Variants in PIWIL1 observed in about 807,000 individuals in gnomAD.
PIWIL1 encodes piwi like RNA-mediated gene silencing 1.
A neutral mutation model predicts 114.4 loss-of-function variants in PIWIL1; 73 were observed. The ratio of observed to expected loss-of-function variants is 0.64; its 90% CI spans 0.53 to 0.78. The LOEUF is 0.78. Ranked by LOEUF, PIWIL1 falls within the 30% of genes least tolerant of loss-of-function variation. PIWIL1 has a pLI of 0.00. For synonymous variants in PIWIL1, 375 were observed against 369.0 expected, an observed-to-expected ratio of 1.02 and a Z score of -0.19; for missense variants, 723 against 1,063.1, an observed-to-expected ratio of 0.68 and a Z score of 4.45.
chr12:130,374,817 C>T (rs1433246499), downstream of PIWIL1, among the ~76,000 whole-genome samples: 10 of 152,132 alleles, frequency 6.6e-5, no homozygotes, highest in Admixed American at 6.5e-4. Context: ...TTTTTGACAC[C>T]ATCCCCTGCT....
chr12:130,399,835 A>G, the PIWIL1 span: 1 of 1,613,226 alleles, frequency 6.2e-7, no homozygotes, highest in South Asian at 1.1e-5. Context: ...GGGGTGAGGC[A>G]GAAGAACTAT....
the PIWIL1 span, chr12:130,414,346 C>T: frequency 6.5e-7 from 1 of 1,530,840 alleles, no homozygotes; most frequent in Non-Finnish European, 8.8e-7. Flanking sequence ...CGGCAGTGAG[C>T]CTAACTGAGG....
chr12:130,416,660 C>A, the PIWIL1 span, among the ~76,000 whole-genome samples: 1 of 152,188 alleles, frequency 6.6e-6, no homozygotes, highest in African/African-American at 2.4e-5. Context: ...GGACATCAGC[C>A]TTGGCAAAGA....
Position 130,367,145 on chromosome 12 carries a change from G to A in PIWIL1, c.2208G>A (p.Thr736=), listed in dbSNP as rs780460114. 2.6e-5 allele frequency: 42 copies of A among 1,613,932 alleles called. No homozygotes were observed. The highest frequency in any genetic ancestry group is 5.3e-5 in the African/African-American group (4 of 74,892). Residue 736 remains threonine, a synonymous_variant, in exon 19 of 21, where the codon ACG becomes ACA. Coordinates refer to ENST00000245255, the MANE Select transcript of PIWIL1 (RefSeq NM_004764.5). ...CATCATTTTTAAGCCCTAGACTAAC[G>A]GTAATTGTGGTGAAGAAAAGAGTGA... The part of the protein sequence containing the change: ...SIGRGYNPRL[T]VIVVKKRVNT...
intron 18 of PIWIL1, among the ~76,000 whole-genome samples, chr12:130,364,565 C>T (rs997062297): frequency 1.2e-4 from 18 of 152,302 alleles, no homozygotes; most frequent in Admixed American, 3.9e-4. Flanking sequence ...AAAGACCACG[C>T]ATTTTTTAAT....
chr12:130,361,101 G>A, intron 14 of PIWIL1, 79 bp from the exon 15 acceptor site: 1 of 1,182,756 alleles, frequency 8.5e-7, no homozygotes, highest in Non-Finnish European at 1.2e-6. Flanking sequence ...CTTCACAGGT[G>A]AGTTTAGTTT....
chr12:130,388,332 T>C, the PIWIL1 span, among the ~76,000 whole-genome samples: 1 of 152,176 alleles, frequency 6.6e-6, no homozygotes, highest in African/African-American at 2.4e-5. Flanking sequence ...CACAGCCCCA[T>C]AAATGTGAAG....
intron 1 of PIWIL1, 133 bp from the exon 2 acceptor site, chr12:130,342,447 G>T (rs765518261): frequency 1.1e-5 from 7 of 632,838 alleles, no homozygotes; most frequent in Non-Finnish European, 1.7e-5. Context: ...TGTCATTAAA[G>T]ATTAGAAGGA....
the PIWIL1 span, among the ~76,000 whole-genome samples, chr12:130,393,560 A>G: frequency 1.3e-5 from 2 of 152,130 alleles, no homozygotes; most frequent in Non-Finnish European, 2.9e-5. Flanking sequence ...GAATGTTGTG[A>G]TGACCCAGTC....
the PIWIL1 span, chr12:130,414,085 C>G: frequency 4.8e-5 from 77 of 1,606,168 alleles, 1 homozygote; most frequent in Admixed American, 3.7e-4. Flanking sequence ...AGACCCGCCT[C>G]AGGGGCTGAT....
At chr12:130,342,185 TG>T (rs1395140003) in intron 1 of PIWIL1, 24 of 192,380 alleles carry the variant, frequency 1.2e-4, no homozygotes, top group African/African-American at 5.6e-4. Flanking sequence ...TGTGTGTGTG[TG>T]TGTGTCTGTG....
chr12:130,396,237 A>AAATCT, the PIWIL1 span: 1 of 152,676 alleles, frequency 6.5e-6, no homozygotes, highest in Non-Finnish European at 1.5e-5. Flanking sequence ...CTTTAATAAT[A>AAATCT]AATCTACCAC....
At chr12:130,369,072 AGT>A (rs964155965) in intron 19 of PIWIL1, among the ~76,000 whole-genome samples, 1 of 151,902 alleles carries the variant, frequency 6.6e-6, no homozygotes, top group African/African-American at 2.4e-5. Context: ...AACAGGCCCC[AGT>A]GTGTGTGTCA....
chr12:130,363,040 C>G lies in PIWIL1; in HGVS notation c.2091C>G (p.Ile697Met), dbSNP rs752328095. 2 of 1,614,226 alleles carry G rather than the reference C, an allele frequency of 1.2e-6. No individual in the cohort carries two copies. Among genetic ancestry groups the G allele is most frequent in the Non-Finnish European group, 1.7e-6 (2 of 1,180,038 alleles). Residue 697 changes from isoleucine to methionine, a missense_variant, in exon 18 of 21, where the codon ATC (isoleucine) becomes ATG (methionine). By Grantham distance (10) the Ile-to-Met change is conservative. Transcript: ENST00000245255. ...NSCNEYMPSR[I>M]IVYRDGVGDG... is the part of the protein sequence containing the mutation. ...GCAATGAGTACATGCCCAGCCGGAT[C>G]ATCGTGTACCGCGATGGCGTAGGAG...
intron 19 of PIWIL1, among the ~76,000 whole-genome samples, chr12:130,368,720 G>A (rs1435159420): frequency 2.0e-5 from 3 of 152,012 alleles, no homozygotes; most frequent in Non-Finnish European, 2.9e-5. Flanking sequence ...TACTCCTAAC[G>A]CCAAAGCCCA....
At chr12:130,424,806 A>C in the PIWIL1 span, 1 of 1,232,688 alleles carries the variant, frequency 8.1e-7, no homozygotes, top group Non-Finnish European at 1.0e-6. This position sits in a 1 kb window ranked among gnomAD's most constrained non-coding sequence, Gnocchi z 9.8. Context: ...CTGGTGGGGA[A>C]ACTCGGGCTG....
intron 9 of PIWIL1, among the ~76,000 whole-genome samples, chr12:130,353,912 C>T (rs1031967190): frequency 6.1e-5 from 9 of 147,754 alleles, no homozygotes; most frequent in African/African-American, 1.0e-4. Flanking sequence ...GGTGACAGAG[C>T]GAGACTCCAT....
Position 130,338,025 on chromosome 12 carries a change from C to T in PIWIL1, c.-134C>T, listed in dbSNP as rs2072756645. ...AACCCAGCGCCGAAGGCGAGGTGGG[C>T]GCGGGCCGAAGGAGGTCCTGGGAGG... On this transcript the variant is annotated 5_prime_UTR_variant, in exon 1 of 21. Transcript: ENST00000245255. The T allele has an allele frequency of 5.7e-6, 1 of 176,510 alleles. No homozygotes were observed. The highest frequency in any genetic ancestry group is 1.1e-4 in the South Asian group (1 of 8,728). 10.9% of individuals were successfully genotyped at this position (176,510 alleles called of 1,614,324 possible).
the PIWIL1 span, among the ~76,000 whole-genome samples, chr12:130,418,611 C>T: frequency 1.1e-4 from 17 of 152,210 alleles, no homozygotes; most frequent in Admixed American, 3.3e-4. Context: ...AGCAAGTTCT[C>T]AGCACTTCCC....
Sources: allele counts gnomAD v4.1 joint callset (sites outside exome capture counted in the v4.1 genomes callset), GRCh38; gene constraint gnomAD v4.1.1; non-coding constraint Gnocchi (gnomAD v3.1); transcripts MANE v1.5; gene names NCBI Gene and HGNC (gene_info 2026-07-23, HGNC 2026-07-21).